The following POLA2 variants were observed in gnomAD, a reference collection of about 807,000 sequenced individuals.
POLA2 encodes DNA polymerase alpha 2, accessory subunit.
A neutral mutation model predicts 82.8 loss-of-function variants in POLA2; 47 were observed. The observed-to-expected ratio is 0.57, with a 90% CI of 0.45 to 0.72. The LOEUF (loss-of-function observed/expected upper bound fraction) is 0.72. Ranked by LOEUF, POLA2 falls within the 30% of genes least tolerant of loss-of-function variation. The pLI is 0.00. For synonymous variants in POLA2, 287 were observed against 286.8 expected (o/e 1.00, Z -0.01); for missense variants, 634 against 728.1 (o/e 0.87, Z 1.49).
chr11:65,303,521 C>CA (rs371517731), downstream of POLA2, among the ~76,000 whole-genome samples: 100 of 149,558 alleles, frequency 6.7e-4, no homozygotes, highest in African/African-American at 8.4e-4. Flanking sequence ...GACTCAGTCT[C>CA]AAAAAAAAAG....
intron 3 of POLA2, among the ~76,000 whole-genome samples, chr11:65,268,345 A>G (rs960656312): frequency 1.3e-5 from 2 of 150,390 alleles, no homozygotes; most frequent in African/African-American, 4.9e-5. Flanking sequence ...AAAGTTTATT[A>G]TTATTATTAT....
chr11:65,305,738 G>C, downstream of POLA2: 1 of 228,160 alleles, frequency 4.4e-6, no homozygotes, highest in Non-Finnish European at 8.9e-6. Context: ...GTCCTCCCAA[G>C]TCCCTTCTGG....
At chr11:65,269,681 T>A (rs1430116958) in intron 4 of POLA2, among the ~76,000 whole-genome samples, 1 of 152,210 alleles carries the variant, frequency 6.6e-6, no homozygotes, top group South Asian at 2.1e-4. Context: ...TATTCAGTAA[T>A]GGTAACTATT....
chr11:65,265,302 T>A (rs1393143519), intron 1 of POLA2, among the ~76,000 whole-genome samples: 7 of 152,110 alleles, frequency 4.6e-5, no homozygotes, highest in Non-Finnish European at 1.0e-4. Flanking sequence ...GTTCTTTTGT[T>A]GCCACCACTT....
chr11:65,264,789 G>A (rs999839122), intron 1 of POLA2, among the ~76,000 whole-genome samples: 1 of 152,120 alleles, frequency 6.6e-6, no homozygotes, highest in Non-Finnish European at 1.5e-5. Flanking sequence ...GACATCACTG[G>A]TAATTCTCCT....
chr11:65,264,039 C>T (rs1949431124), intron 1 of POLA2, among the ~76,000 whole-genome samples: 1 of 152,068 alleles, frequency 6.6e-6, no homozygotes, highest in African/African-American at 2.4e-5. Flanking sequence ...TGTTTCCTGA[C>T]AGTCAACCGT....
At chr11:65,299,131 C>G, downstream of POLA2, among the ~76,000 whole-genome samples, 1 of 152,198 alleles carries the variant, frequency 6.6e-6, no homozygotes. Context: ...TCTGTCATCC[C>G]AGGTATTCTC....
intron 4 of POLA2, 142 bp downstream of exon 4, chr11:65,268,871 C>T: frequency 5.5e-6 from 3 of 547,472 alleles, no homozygotes; most frequent in Non-Finnish European, 9.5e-6. Flanking sequence ...CCTTTCTGAT[C>T]ATATGTCTAA....
chr11:65,287,850 A>G lies in POLA2; in HGVS notation c.1131+10A>G. 6.2e-7 allele frequency: 1 copy of G among 1,611,896 alleles called. No individual in the cohort carries two copies. The highest frequency in any genetic ancestry group is 8.5e-7 in the Non-Finnish European group (1 of 1,179,078). On this transcript the variant is annotated intron_variant, in intron 11 of 17. Coordinates refer to ENST00000265465, the MANE Select transcript of POLA2 (RefSeq NM_002689.4). ...AGATGTCTGCATCCTGGTAAGAGGCACCAGTGGGAAAGCTGAGGAGTCAGC... is the reference window on the plus strand; with the variant it reads ...AGATGTCTGCATCCTGGTAAGAGGCGCCAGTGGGAAAGCTGAGGAGTCAGC...
intron 15 of POLA2, 171 bp downstream of exon 15, chr11:65,294,823 G>A (rs1343315253): frequency 2.0e-6 from 1 of 499,860 alleles, no homozygotes; most frequent in Non-Finnish European, 3.5e-6. Context: ...CCAAGGGGAG[G>A]GGTTGGATGC....
intron 13 of POLA2, among the ~76,000 whole-genome samples, chr11:65,292,755 AG>A (rs1181358105): frequency 6.6e-6 from 1 of 152,252 alleles, no homozygotes. Flanking sequence ...AACAGTGATA[AG>A]GGTGACAGCT....
At chr11:65,272,769 T>A (rs189892647) in intron 4 of POLA2, among the ~76,000 whole-genome samples, 35 of 152,176 alleles carry the variant, frequency 2.3e-4, no homozygotes, top group Admixed American at 9.8e-4. Flanking sequence ...CCCAGCACTT[T>A]GGGAGGCTGA....
intron 10 of POLA2, among the ~76,000 whole-genome samples, chr11:65,285,291 G>T (rs747117573): frequency 1.3e-5 from 2 of 152,044 alleles, no homozygotes; most frequent in Non-Finnish European, 2.9e-5. Flanking sequence ...TATAATCCCA[G>T]TTACTCAGGA....
At chr11:65,295,832 C>T in intron 16 of POLA2, 32 bp from the exon 17 acceptor site, 1 of 1,598,616 alleles carries the variant, frequency 6.3e-7, no homozygotes, top group Non-Finnish European at 8.6e-7. Context: ...CCCCGGTCAG[C>T]TAGTGCTGAC....
chr11:65,294,280 T>A lies in POLA2; in HGVS notation c.1353+19T>A, dbSNP rs1949786777. The A allele has an allele frequency of 1.3e-6, 2 of 1,589,382 alleles. No individual in the cohort carries two copies. The highest frequency in any genetic ancestry group is 1.7e-6 in the Non-Finnish European group (2 of 1,157,484). On this transcript the variant is annotated intron_variant, in intron 14 of 17. Coordinates refer to ENST00000265465, the MANE Select transcript of POLA2 (RefSeq NM_002689.4). ...CAAAAAGGTAGCAGCACCCACTCCT[T>A]GACCAGCAGGCAGCCAGAATCCAGC...
At chr11:65,290,702 C>T (rs753029144) in intron 13 of POLA2, among the ~76,000 whole-genome samples, 12 of 152,224 alleles carry the variant, frequency 7.9e-5, no homozygotes, top group Non-Finnish European at 1.5e-4. Flanking sequence ...TGCTCTTTCT[C>T]TTCTATACTT....
At chr11:65,266,402 C>T (rs1792359803) in intron 1 of POLA2, 180 bp from the exon 2 acceptor site, 1 of 604,532 alleles carries the variant, frequency 1.7e-6, no homozygotes, top group African/African-American at 1.9e-5. Context: ...TTTGTCTCCC[C>T]TCAGTGGTGA....
At chr11:65,286,669 C>T (rs1055938578) in intron 10 of POLA2, among the ~76,000 whole-genome samples, 8 of 152,154 alleles carry the variant, frequency 5.3e-5, no homozygotes, top group Non-Finnish European at 1.0e-4. Flanking sequence ...GAATTACAGG[C>T]GTTGAGCCAC....
At chr11:65,262,791 C>T (rs556152491) in intron 1 of POLA2, among the ~76,000 whole-genome samples, 28 of 152,294 alleles carry the variant, frequency 1.8e-4, no homozygotes, top group Admixed American at 3.9e-4. Context: ...TAAACCTCTG[C>T]TGATCCATCA....
Sources: allele counts gnomAD v4.1 joint callset (sites outside exome capture counted in the v4.1 genomes callset), GRCh38; gene constraint gnomAD v4.1.1; transcripts MANE v1.5; gene names NCBI Gene and HGNC (gene_info 2026-07-23, HGNC 2026-07-21).